Variants in HNRNPM observed in about 807,000 individuals in gnomAD.
The protein encoded by HNRNPM is heterogeneous nuclear ribonucleoprotein M.
HNRNPM carries 11 observed loss-of-function variants against 73.1 expected under a neutral mutation model. The observed-to-expected ratio is 0.15, with a 90% CI of 0.09 to 0.25. The LOEUF is 0.25. HNRNPM is among the 10% of genes least tolerant of loss of function. The pLI, the probability that HNRNPM is intolerant of heterozygous loss-of-function variation, is 1.00. For synonymous variants in HNRNPM, 407 were observed against 355.2 expected, an observed-to-expected ratio of 1.15 and a Z score of -1.64; for missense variants, 789 against 1,067.9, an observed-to-expected ratio of 0.74 and a Z score of 3.64.
At chr19:8,468,029 G>GA (rs144109185) in intron 8 of HNRNPM, among the ~76,000 whole-genome samples, 4,386 of 150,352 alleles carry the variant, frequency 0.029, 238 homozygotes, top group African/African-American at 0.1. Flanking sequence ...TCTGTCTCAA[G>GA]AAAAAAAAAG....
chr19:8,446,635 T>TC (rs1968207918), intron 1 of HNRNPM, among the ~76,000 whole-genome samples: 1 of 152,144 alleles, frequency 6.6e-6, no homozygotes, highest in African/African-American at 2.4e-5. Flanking sequence ...ACTCCTGGGT[T>TC]CAAGCCATCC....
intron 5 of HNRNPM, among the ~76,000 whole-genome samples, chr19:8,464,525 G>A (rs1312978687): frequency 6.6e-6 from 1 of 151,980 alleles, no homozygotes; most frequent in Non-Finnish European, 1.5e-5. Context: ...CCATCTACTC[G>A]GGAGGCTGAG....
At chr19:8,476,833 A>G (rs889587974) in intron 12 of HNRNPM, among the ~76,000 whole-genome samples, 4 of 152,146 alleles carry the variant, frequency 2.6e-5, no homozygotes, top group Admixed American at 6.5e-5. Context: ...CTCCATGAGG[A>G]TGCCGCTGCG....
rs1472939511 is a variant in HNRNPM, at chr19:8,471,414, C to T, written c.984C>T (p.Asn328=). The T allele has an allele frequency of 1.9e-6, 3 of 1,600,576 alleles. No individual in the cohort carries two copies. Among genetic ancestry groups the T allele is most frequent in the South Asian group, 2.2e-5 (2 of 89,308 alleles). Residue 328 remains asparagine, a synonymous_variant, in exon 10 of 16, where the codon AAC becomes AAT. Transcript: ENST00000325495. ...NHLNKGIGMG[N]IGPAGMGMEG... Reference sequence around the variant, plus strand: ...TGAATAAAGGCATCGGAATGGGAAACATAGGTCCCGCAGGTGAGAATGACA... The same window carrying T: ...TGAATAAAGGCATCGGAATGGGAAATATAGGTCCCGCAGGTGAGAATGACA...
In HNRNPM at chr19:8,485,788, A is replaced by G. The variant is rs746370581; in HGVS notation, c.1360A>G (p.Ile454Val). ...MGSVERMGSG[I>V]ERMGPLGLDH... is the part of the protein sequence containing the mutation. Reference sequence around the variant, plus strand: ...CTCCGTGGAGCGCATGGGCTCCGGCATTGAGCGCATGGGCCCGCTGGGCCT... The same window carrying G: ...CTCCGTGGAGCGCATGGGCTCCGGCGTTGAGCGCATGGGCCCGCTGGGCCT... Residue 454 changes from isoleucine to valine, a missense_variant, in exon 14 of 16, where the codon ATT becomes GTT. By Grantham distance (29) the Ile-to-Val change is conservative. This residue lies in a region of HNRNPM where 604 missense variants were observed against 744.0 expected (regional missense o/e 0.81). Coordinates refer to ENST00000325495, the MANE Select transcript of HNRNPM (RefSeq NM_005968.5). 1 of 1,602,864 alleles carries G rather than the reference A, an allele frequency of 6.2e-7. No individual in the cohort carries two copies. The highest frequency in any genetic ancestry group is 1.1e-5 in the South Asian group (1 of 90,980).
intron 4 of HNRNPM, 42 bp downstream of exon 4, chr19:8,463,546 A>T (rs1287649626): frequency 6.2e-7 from 1 of 1,612,886 alleles, no homozygotes; most frequent in African/African-American, 1.3e-5. Flanking sequence ...GAGCCTTCTA[A>T]CTTGTAGGAC....
At chr19:8,449,293 G>C (rs1294040400) in intron 1 of HNRNPM, among the ~76,000 whole-genome samples, 1 of 151,832 alleles carries the variant, frequency 6.6e-6, no homozygotes, top group Non-Finnish European at 1.5e-5. Flanking sequence ...TTTTTTGGGA[G>C]GGGGGGTTCT....
chr19:8,445,965 C>G (rs1434367309), intron 1 of HNRNPM, among the ~76,000 whole-genome samples: 1 of 152,186 alleles, frequency 6.6e-6, no homozygotes, highest in Non-Finnish European at 1.5e-5. Flanking sequence ...TCTTTGACTC[C>G]TTGGCTTTTA....
intron 9 of HNRNPM, among the ~76,000 whole-genome samples, chr19:8,469,211 G>A (rs1465644219): frequency 6.6e-6 from 1 of 152,168 alleles, no homozygotes; most frequent in East Asian, 1.9e-4. Flanking sequence ...ACAGAAATTC[G>A]CACGCAGATG....
At chr19:8,453,812 A>AG (rs1968799896) in intron 1 of HNRNPM, among the ~76,000 whole-genome samples, 1 of 152,212 alleles carries the variant, frequency 6.6e-6, no homozygotes, top group Admixed American at 6.5e-5. Flanking sequence ...CTGGCAGCTG[A>AG]GGAAAGCGCC....
chr19:8,472,282 A>G (rs959668032), intron 10 of HNRNPM, among the ~76,000 whole-genome samples: 4 of 151,592 alleles, frequency 2.6e-5, no homozygotes, highest in Non-Finnish European at 5.9e-5. Flanking sequence ...TGATTCTATT[A>G]AGGAATATGT....
In HNRNPM at chr19:8,486,091, C is replaced by G; in HGVS notation, c.1663C>G (p.Leu555Val). 6.2e-7 allele frequency: 1 copy of G among 1,604,114 alleles called. No individual in the cohort carries two copies. The highest frequency in any genetic ancestry group is 8.5e-7 in the Non-Finnish European group (1 of 1,178,780). The change falls in exon 14 of 16, where the codon CTG becomes GTG. Residue 555 changes from leucine (L) to valine (V), a missense_variant. Around this residue, in one of 4 missense-constraint regions of HNRNPM, gnomAD observed 604 missense variants for 744.0 expected, o/e 0.81. Transcript: ENST00000325495. The part of the protein sequence containing the change: ...GPVMDRMATG[L>V]ERMGANNLER... ...CGTGATGGATCGCATGGCCACCGGCCTGGAGCGCATGGGCGCCAACAATCT... is the reference window on the plus strand; with the variant it reads ...CGTGATGGATCGCATGGCCACCGGCGTGGAGCGCATGGGCGCCAACAATCT...
chr19:8,477,694 GA>G (rs1280714186), intron 12 of HNRNPM, among the ~76,000 whole-genome samples: 4 of 125,980 alleles, frequency 3.2e-5, no homozygotes, highest in Non-Finnish European at 4.8e-5. Context: ...AAAAAAAAAA[GA>G]ACCTTACAAA....
chr19:8,450,223 T>A (rs1004245627), intron 1 of HNRNPM, among the ~76,000 whole-genome samples: 1 of 152,148 alleles, frequency 6.6e-6, no homozygotes. Context: ...GGGGTCCTTG[T>A]CCCTCAGGAG....
rs774445066 is a variant in HNRNPM at position 8,486,268 on chromosome 19, G to A, written c.1840G>A (p.Gly614Ser). 11 of 1,602,040 alleles carry A rather than the reference G, an allele frequency of 6.9e-6. No homozygotes were observed. The highest frequency in any genetic ancestry group is 2.7e-5 in the African/African-American group (2 of 74,924). ...GCGCATGGGCCTGGCCATGGGTGGC[G>A]GTGGCGGTGCCAGCTTTGACCGTGC... ...IERMGLAMGG[G>S]GGASFDRAIE... is the part of the protein sequence containing the mutation. Residue 614 changes from glycine to serine, a missense_variant, in exon 14 of 16, where the codon GGT (glycine) becomes AGT (serine). Physicochemically the swap from Gly to Ser is moderately conservative, Grantham distance 56. Coordinates refer to ENST00000325495, the MANE Select transcript of HNRNPM (RefSeq NM_005968.5).
intron 1 of HNRNPM, among the ~76,000 whole-genome samples, chr19:8,450,444 T>C (rs1309223209): frequency 6.6e-6 from 1 of 152,130 alleles, no homozygotes; most frequent in Non-Finnish European, 1.5e-5. Context: ...GGAGTTTCAC[T>C]CTTGTCCCTC....
rs749527198 is a variant in HNRNPM, at chr19:8,468,771, C to T, written c.835-3C>T. ...AGATTTGTTTGTTTTCTTTCTCTTT[C>T]AGGATGAGAGGGCCTTACCAAAAGG... On this transcript the variant is annotated splice_polypyrimidine_tract_variant and splice_region_variant and intron_variant, in intron 8 of 15. Coordinates refer to ENST00000325495, the MANE Select transcript of HNRNPM (RefSeq NM_005968.5). The T allele has an allele frequency of 2.5e-6, 4 of 1,612,256 alleles. No individual in the cohort carries two copies. The highest frequency in any genetic ancestry group is 2.7e-5 in the African/African-American group (2 of 74,860).
At chr19:8,476,532 C>A (rs959432811) in intron 12 of HNRNPM, among the ~76,000 whole-genome samples, 2 of 150,470 alleles carry the variant, frequency 1.3e-5, no homozygotes, top group Admixed American at 1.3e-4. Flanking sequence ...CGCGGTGGCT[C>A]ACACCTGTAA....
chr19:8,470,112 G>A (rs1185110275), intron 9 of HNRNPM, among the ~76,000 whole-genome samples: 1 of 152,264 alleles, frequency 6.6e-6, no homozygotes, highest in East Asian at 1.9e-4. Context: ...CACTGCTCCA[G>A]GGAGCCTGTT....
Sources: allele counts gnomAD v4.1 joint callset (sites outside exome capture counted in the v4.1 genomes callset), GRCh38; gene constraint gnomAD v4.1.1; regional missense constraint gnomAD v4.1.1; transcripts MANE v1.5; gene names NCBI Gene and HGNC (gene_info 2026-07-23, HGNC 2026-07-21).